SAP130: variants seen among roughly 807,000 people sequenced by gnomAD.
SAP130 encodes Sin3A associated protein 130.
A neutral mutation model predicts 103.2 loss-of-function variants in SAP130; 16 were observed. The ratio of observed to expected loss-of-function variants is 0.16; its 90% confidence interval spans 0.10 to 0.24. SAP130 has a LOEUF of 0.24. Ranked by LOEUF, SAP130 falls within the 10% of genes least tolerant of loss-of-function variation. The pLI is 1.00. For missense variants in SAP130, 990 were observed against 1,359.7 expected, an observed-to-expected ratio of 0.73 and a Z score of 4.28; for synonymous variants, 477 against 497.0, an observed-to-expected ratio of 0.96 and a Z score of 0.53.
chr2:127,993,212 G>A lies in SAP130; in HGVS notation c.1452C>T (p.Ser484=), dbSNP rs928280065. Residue 484 remains serine, a synonymous_variant, in exon 12 of 21, where the codon TCC becomes TCT. Coordinates refer to ENST00000643581, the MANE Select transcript of SAP130 (RefSeq NM_001330301.2). ...AAHTYTPITS[S]VSTIRQYPVS... Reference sequence around the variant, plus strand: ...CTGGATACTGTCGGATAGTGGACACGGAACTGGTGATTGGGGTGTAGGTAT... The same window carrying A: ...CTGGATACTGTCGGATAGTGGACACAGAACTGGTGATTGGGGTGTAGGTAT... 3.7e-5 allele frequency: 59 copies of A among 1,614,006 alleles called. No homozygotes were observed. Among genetic ancestry groups the A allele is most frequent in the Non-Finnish European group, 4.6e-5 (54 of 1,179,962 alleles).
rs1379145726 is a variant in SAP130, at chr2:127,942,333, T to C, written c.3015+91A>G. 4 of 1,096,280 alleles carry C rather than the reference T, an allele frequency of 3.6e-6. No homozygotes were observed. Among genetic ancestry groups the C allele is most frequent in the Non-Finnish European group, 5.5e-6 (4 of 722,742 alleles). The allele number at this position is 1,096,280 out of a possible 1,614,324, so 67.9% of individuals were successfully genotyped here. On this transcript the variant is annotated intron_variant, in intron 20 of 20. Transcript: ENST00000643581. The surrounding 1 kb of genome is among the most constrained non-coding windows in gnomAD (Gnocchi z 4.8). ...AGCACGTATGTTTTTACTGAAGATA[T>C]GAGGGAGACGGGGGGAAACGGGAGA... is the stretch of plus-strand genomic sequence containing the variant.
At chr2:127,966,985 T>C (rs1340962206) in intron 15 of SAP130, among the ~76,000 whole-genome samples, 1 of 152,092 alleles carries the variant, frequency 6.6e-6, no homozygotes, top group Non-Finnish European at 1.5e-5. Context: ...AGATATTTCA[T>C]GAAAACAGTA....
chr2:127,977,030 A>G (rs1681511580), intron 15 of SAP130, among the ~76,000 whole-genome samples: 1 of 152,174 alleles, frequency 6.6e-6, no homozygotes, highest in Admixed American at 6.5e-5. Flanking sequence ...ACAAACAAAC[A>G]AAACCCCAAA....
chr2:127,987,255 G>A (rs1682470503), intron 13 of SAP130, among the ~76,000 whole-genome samples: 1 of 152,178 alleles, frequency 6.6e-6, no homozygotes, highest in Admixed American at 6.5e-5. Context: ...TGCAATCTCA[G>A]CTCACTGCAA....
intron 19 of SAP130, among the ~76,000 whole-genome samples, chr2:127,944,997 T>C (rs567362758): frequency 7.3e-4 from 111 of 151,274 alleles, no homozygotes; most frequent in African/African-American, 2.2e-3. Flanking sequence ...CTGAGTAACA[T>C]TGGAAATTGG....
At chr2:127,974,254 C>T (rs142172212) in intron 15 of SAP130, among the ~76,000 whole-genome samples, 7 of 152,204 alleles carry the variant, frequency 4.6e-5, no homozygotes, top group Middle Eastern at 3.4e-3. Context: ...AATGGCTCTC[C>T]GTCTTAGAAT....
intron 14 of SAP130, among the ~76,000 whole-genome samples, chr2:127,984,517 T>C (rs1025415178): frequency 1.3e-5 from 2 of 152,226 alleles, no homozygotes; most frequent in South Asian, 2.1e-4. Flanking sequence ...GCATGTCTAC[T>C]ATGAGGTCCA....
chr2:127,996,980 CT>C lies in SAP130; in HGVS notation c.1214-490del, dbSNP rs1683221608. On this transcript the variant is annotated intron_variant, in intron 10 of 20. Coordinates refer to ENST00000643581, the MANE Select transcript of SAP130 (RefSeq NM_001330301.2). The surrounding 1 kb of genome is among the most constrained non-coding windows in gnomAD (Gnocchi z 4.3). ...CGGAAAAAACAAACAAACAAAAAAC[CT>C]TGGATTCTACTCCAGGTCCATAATT... Among the ~76,000 whole-genome samples the C allele has an allele frequency of 6.6e-6, 1 of 152,078 alleles. No individual in the cohort carries two copies. The highest frequency in any genetic ancestry group is 1.5e-5 in the Non-Finnish European group (1 of 68,004).
chr2:128,012,976 G>C, intron 6 of SAP130, 54 bp downstream of exon 6: 1 of 1,529,216 alleles, frequency 6.5e-7, no homozygotes, highest in Admixed American at 2.0e-5. Flanking sequence ...CCTAGTGCCT[G>C]GCAGAATGAA....
At position 127,996,168 on chromosome 2, in the gene SAP130, A is replaced by G. The variant is rs1416297737; in HGVS notation, c.1355+182T>C. On this transcript the variant is annotated intron_variant, in intron 11 of 20. Coordinates refer to ENST00000643581, the MANE Select transcript of SAP130 (RefSeq NM_001330301.2). The surrounding 1 kb of genome is among the most constrained non-coding windows in gnomAD (Gnocchi z 4.3). ...TACTAGGAAAACATCCATCAAAAGGAGACTGGCTTGAAAAAAATCGCACAT... is the reference window on the plus strand; with the variant it reads ...TACTAGGAAAACATCCATCAAAAGGGGACTGGCTTGAAAAAAATCGCACAT... Among the ~76,000 whole-genome samples the G allele has an allele frequency of 6.6e-6, 1 of 152,076 alleles. No homozygotes were observed. The highest frequency in any genetic ancestry group is 1.5e-5 in the Non-Finnish European group (1 of 68,028).
chr2:128,016,636 T>C (rs966732374), intron 3 of SAP130, 89 bp from the exon 4 acceptor site: 2 of 1,417,030 alleles, frequency 1.4e-6, no homozygotes, highest in Non-Finnish European at 9.5e-7. Context: ...AAATCGAACC[T>C]GGAAAGTGCC....
At chr2:128,012,004 G>C (rs1422902846) in intron 6 of SAP130, among the ~76,000 whole-genome samples, 1 of 152,106 alleles carries the variant, frequency 6.6e-6, no homozygotes, top group African/African-American at 2.4e-5. Context: ...AGTAGAGACA[G>C]GGTTTCACCA....
intron 15 of SAP130, among the ~76,000 whole-genome samples, chr2:127,968,420 T>C (rs866976274): frequency 9.5e-5 from 14 of 147,396 alleles, no homozygotes; most frequent in Non-Finnish European, 2.1e-4. Flanking sequence ...GTTGGTTTTT[T>C]TTTTTTTTTT....
intron 7 of SAP130, among the ~76,000 whole-genome samples, chr2:128,003,383 T>C (rs1030962935): frequency 8.0e-5 from 12 of 150,432 alleles, no homozygotes; most frequent in African/African-American, 2.9e-4. Context: ...GGCATACACC[T>C]ATGGTCCCAG....
chr2:128,001,968 C>T lies in SAP130; in HGVS notation c.870-1514G>A, dbSNP rs181035695. Reference sequence around the variant, plus strand: ...TTTGAGATGGAGTCTCACTCTGTCACTAGGCTGGAGTGCAATGGCATGATC... The same window carrying T: ...TTTGAGATGGAGTCTCACTCTGTCATTAGGCTGGAGTGCAATGGCATGATC... On this transcript the variant is annotated intron_variant, in intron 7 of 20. Coordinates refer to ENST00000643581, the MANE Select transcript of SAP130 (RefSeq NM_001330301.2). Among the ~76,000 whole-genome samples, 3 of 151,570 alleles carry T rather than the reference C, an allele frequency of 2.0e-5. No individual in the cohort carries two copies. The East Asian group carries it at 5.8e-4, about 29-fold the overall frequency.
At chr2:128,011,238 G>A (rs1684376520) in intron 6 of SAP130, among the ~76,000 whole-genome samples, 1 of 152,198 alleles carries the variant, frequency 6.6e-6, no homozygotes, top group African/African-American at 2.4e-5. Context: ...TCTTTTCTAG[G>A]TAATCGTTCA....
rs1273436154 is a variant in SAP130 at position 127,950,238 on chromosome 2, T to C, written c.2593A>G (p.Thr865Ala). The C allele has an allele frequency of 1.2e-6, 2 of 1,614,082 alleles. No individual in the cohort carries two copies. The highest frequency in any genetic ancestry group is 8.5e-7 in the Non-Finnish European group (1 of 1,180,042). ...TTGGCAGTGGACTTCTCATCATCAG[T>C]GCTGTTTGTCTCCATCATGTCACCT... ...EEGDMMETNS[T>A]DDEKSTAKSL... The change falls in exon 17 of 21, where the codon ACT becomes GCT. Residue 865 changes from threonine to alanine, a missense_variant. Physicochemically the swap from Thr to Ala is moderately conservative, Grantham distance 58 (BLOSUM62 0). Coordinates refer to ENST00000643581, the MANE Select transcript of SAP130 (RefSeq NM_001330301.2).
intron 6 of SAP130, among the ~76,000 whole-genome samples, chr2:128,012,414 G>A (rs2105178152): frequency 6.6e-6 from 1 of 152,268 alleles, no homozygotes; most frequent in South Asian, 2.1e-4. Context: ...AGGTTGCAGT[G>A]AGCTGGGATC....
In SAP130 at chr2:127,979,034, T is replaced by G. The variant is rs116868310; in HGVS notation, c.1959-945A>C. ...GAAAAAAGGGCCTTTGCAAATGTAA[T>G]TAAGGATCTCAAGATAAGAGATTCT... On this transcript the variant is annotated intron_variant, in intron 14 of 20. Coordinates refer to ENST00000643581, the MANE Select transcript of SAP130 (RefSeq NM_001330301.2). Among the ~76,000 whole-genome samples the G allele has an allele frequency of 1.9e-4, 29 of 152,282 alleles. No homozygotes were observed. The East Asian group carries it at 5.0e-3, about 26-fold the overall frequency.
Sources: allele counts gnomAD v4.1 joint callset (sites outside exome capture counted in the v4.1 genomes callset), GRCh38; gene constraint gnomAD v4.1.1; non-coding constraint Gnocchi (gnomAD v3.1); transcripts MANE v1.5; gene names NCBI Gene and HGNC (gene_info 2026-07-23, HGNC 2026-07-21).